Variants in DIS3L2 observed in about 807,000 individuals in gnomAD.
DIS3L2 encodes the protein DIS3 like 3'-5' exoribonuclease 2.
DIS3L2 carries 34 observed loss-of-function variants against 97.5 expected under a neutral mutation model. The ratio of observed to expected loss-of-function variants is 0.35; its 90% confidence interval spans 0.27 to 0.46. DIS3L2 has a LOEUF of 0.46. Among genes scored for constraint, DIS3L2 ranks in the 20% least tolerant of loss-of-function variants. The probability of loss-of-function intolerance (pLI) is 1.00; values close to 1 mark genes in which losing one functional copy is unlikely to be tolerated. For missense variants in DIS3L2, 1,038 were observed against 1,146.0 expected, an observed-to-expected ratio of 0.91 and a Z score of 1.36; for synonymous variants, 435 against 445.2, an observed-to-expected ratio of 0.98 and a Z score of 0.29.
intron 9 of DIS3L2, among the ~76,000 whole-genome samples, chr2:232,170,769 G>A (rs1690963342): frequency 1.3e-5 from 2 of 152,226 alleles, no homozygotes; most frequent in South Asian, 4.2e-4. Flanking sequence ...AAAATACTAA[G>A]CACAGAAAGG....
chr2:232,034,040 A>G (rs565731434), intron 5 of DIS3L2, among the ~76,000 whole-genome samples: 1 of 152,280 alleles, frequency 6.6e-6, no homozygotes, highest in South Asian at 2.1e-4. Flanking sequence ...TTCAGAAGGA[A>G]TGATACCAGC....
chr2:232,006,414 A>G (rs1694054696), intron 1 of DIS3L2, among the ~76,000 whole-genome samples: 1 of 152,222 alleles, frequency 6.6e-6, no homozygotes, highest in African/African-American at 2.4e-5. Context: ...AATAGACAGA[A>G]TTTGGTAATA....
intron 14 of DIS3L2, 24 bp from the exon 15 acceptor site, chr2:232,329,789 T>TGGGCCACCCCC: frequency 2.7e-6 from 1 of 368,622 alleles, no homozygotes; most frequent in Non-Finnish European, 5.1e-6. Flanking sequence ...CAGCGGTCCC[T>TGGGCCACCCCC]CCCATCCCAC....
chr2:232,197,519 A>G (rs1691786479), intron 9 of DIS3L2, among the ~76,000 whole-genome samples: 1 of 152,214 alleles, frequency 6.6e-6, no homozygotes, highest in Non-Finnish European at 1.5e-5. Flanking sequence ...GGAGATTTTC[A>G]GGTTGAGGAT....
intron 13 of DIS3L2, among the ~76,000 whole-genome samples, chr2:232,291,746 G>T (rs1255227260): frequency 6.6e-6 from 1 of 152,252 alleles, no homozygotes; most frequent in Non-Finnish European, 1.5e-5. Context: ...GGAGTAGTCT[G>T]CAGAGAAAGC....
chr2:232,076,706 CTT>C (rs996435950), intron 5 of DIS3L2, among the ~76,000 whole-genome samples: 6 of 151,918 alleles, frequency 3.9e-5, no homozygotes, highest in African/African-American at 1.5e-4. Context: ...TTTATTATAT[CTT>C]AGAATAAAAA....
intron 15 of DIS3L2, 125 bp from the exon 16 acceptor site, chr2:232,330,565 G>A: frequency 1.0e-6 from 1 of 985,178 alleles, no homozygotes; most frequent in South Asian, 1.4e-5. Flanking sequence ...CTCTGAGCAG[G>A]GCTGAGCCCC....
chr2:232,131,659 T>C (rs1450888832), intron 7 of DIS3L2: 2 of 152,108 alleles, frequency 1.3e-5, no homozygotes, highest in South Asian at 4.1e-4. Context: ...AGTGGCATAA[T>C]GGCATGAGGC....
At chr2:232,096,989 G>A (rs775286669) in intron 6 of DIS3L2, among the ~76,000 whole-genome samples, 13 of 152,220 alleles carry the variant, frequency 8.5e-5, no homozygotes, top group Admixed American at 2.0e-4. Context: ...GTTGTTCATC[G>A]GTGTCTGGAC....
intron 9 of DIS3L2, among the ~76,000 whole-genome samples, chr2:232,190,382 A>G (rs1480528461): frequency 6.6e-6 from 1 of 152,200 alleles, no homozygotes; most frequent in Non-Finnish European, 1.5e-5. Context: ...ATGCTCCGAG[A>G]AAACCTCTCA....
intron 1 of DIS3L2, among the ~76,000 whole-genome samples, chr2:231,962,982 T>C (rs907523530): frequency 9.2e-5 from 14 of 151,914 alleles, no homozygotes; most frequent in Admixed American, 5.9e-4. Flanking sequence ...CAGTCCACCA[T>C]TGATGGTCAC....
At chr2:232,031,496 C>CTTTTTTTTTTTTTTT (rs142118818) in intron 5 of DIS3L2, among the ~76,000 whole-genome samples, 1 of 135,792 alleles carries the variant, frequency 7.4e-6, no homozygotes, top group Non-Finnish European at 1.6e-5. Flanking sequence ...TGCAGGGTTT[C>CTTTTTTTTTTTTTTT]TTTTTTTTTT....
chr2:231,965,079 A>G (rs990297255), intron 1 of DIS3L2, among the ~76,000 whole-genome samples: 1 of 152,238 alleles, frequency 6.6e-6, no homozygotes, highest in Admixed American at 6.5e-5. Flanking sequence ...ACAAATCTAT[A>G]TGACATTTTT....
downstream of DIS3L2, among the ~76,000 whole-genome samples, chr2:232,342,012 CA>C (rs1320411107): frequency 6.6e-6 from 1 of 151,998 alleles, no homozygotes; most frequent in African/African-American, 2.4e-5. Flanking sequence ...GTTTTGTGAT[CA>C]AAATATAGAC....
At chr2:232,136,006 A>G (rs1228180087) in intron 7 of DIS3L2, among the ~76,000 whole-genome samples, 1 of 152,182 alleles carries the variant, frequency 6.6e-6, no homozygotes, top group Admixed American at 6.5e-5. Context: ...CTTGGAAAGA[A>G]GGAAGATCAA....
intron 10 of DIS3L2, among the ~76,000 whole-genome samples, chr2:232,222,420 C>G (rs553225122): frequency 1.3e-5 from 2 of 152,232 alleles, no homozygotes; most frequent in East Asian, 3.9e-4. Context: ...GTAGATCTGT[C>G]AGCTCATAAG....
intron 5 of DIS3L2, among the ~76,000 whole-genome samples, chr2:232,078,021 T>C (rs574669734): frequency 2.2e-3 from 249 of 112,824 alleles, no homozygotes; most frequent in Non-Finnish European, 3.1e-3. Context: ...TTCTTTCTTT[T>C]TCTCTTTCTC....
intron 8 of DIS3L2, among the ~76,000 whole-genome samples, chr2:232,145,333 T>C (rs1027005399): frequency 1.3e-5 from 2 of 152,172 alleles, no homozygotes; most frequent in African/African-American, 2.4e-5. Context: ...GCATGTAGAA[T>C]TACAGTTAAT....
intron 9 of DIS3L2, among the ~76,000 whole-genome samples, chr2:232,177,038 G>C (rs999041564): frequency 2.1e-5 from 3 of 144,010 alleles, no homozygotes; most frequent in African/African-American, 7.7e-5. Flanking sequence ...TCCCACCTAT[G>C]AGTGAGAATA....
Sources: gnomAD v4.1 joint callset for allele counts (sites outside exome capture counted in the v4.1 genomes callset) on GRCh38, gnomAD v4.1.1 for gene constraint, MANE v1.5 for transcripts, NCBI Gene and HGNC (gene_info 2026-07-23, HGNC 2026-07-21) for gene names.